The following SMIM35 variants were observed in gnomAD, a reference collection of about 807,000 sequenced individuals.
SMIM35 encodes the protein TMPRSS4 antisense RNA 1 (non-protein coding).
chr11:118,038,772 A>G (rs546376430), intron 1 of SMIM35, among the ~76,000 whole-genome samples: 222 of 152,230 alleles, frequency 1.5e-3, no homozygotes, highest in Non-Finnish European at 2.6e-3. Flanking sequence ...ACATTTAAGC[A>G]AGACCTGAAA....
intron 1 of SMIM35, among the ~76,000 whole-genome samples, chr11:118,024,613 C>A (rs1319607968): frequency 6.6e-6 from 1 of 152,116 alleles, no homozygotes; most frequent in Non-Finnish European, 1.5e-5. Context: ...GCTGGGATTA[C>A]AGCTGCCCGC....
At chr11:118,048,962 A>AAAAAAAAAAAAAAAC (rs1944160684) in intron 1 of SMIM35, among the ~76,000 whole-genome samples, 1 of 150,582 alleles carries the variant, frequency 6.6e-6, no homozygotes, top group East Asian at 2.0e-4. Context: ...AAAAAAAAAA[A>AAAAAAAAAAAAAAAC]AAGCAAGTGA....
At chr11:118,045,759 T>C (rs142010709) in intron 1 of SMIM35, among the ~76,000 whole-genome samples, 66 of 152,316 alleles carry the variant, frequency 4.3e-4, no homozygotes, top group African/African-American at 1.5e-3. Flanking sequence ...CAGCTCTGAA[T>C]CTTTCAACCC....
intron 1 of SMIM35, among the ~76,000 whole-genome samples, chr11:118,040,864 T>C (rs1007023034): frequency 1.3e-5 from 2 of 152,126 alleles, no homozygotes; most frequent in African/African-American, 4.8e-5. Context: ...GACATGACTG[T>C]AGTTGATAAA....
intron 1 of SMIM35, among the ~76,000 whole-genome samples, chr11:118,077,750 G>A (rs776280925): frequency 6.6e-5 from 10 of 151,682 alleles, no homozygotes; most frequent in African/African-American, 2.4e-4. Flanking sequence ...AGTGGCTCAC[G>A]CCTGTAGTCC....
intron 1 of SMIM35, among the ~76,000 whole-genome samples, chr11:118,034,367 T>A (rs918466008): frequency 6.6e-5 from 10 of 152,218 alleles, no homozygotes; most frequent in East Asian, 1.9e-4. Flanking sequence ...ATTACTTTTT[T>A]AAAAAATTGT....
chr11:118,008,761 G>A (rs1208445926), intron 4 of SMIM35, among the ~76,000 whole-genome samples: 2 of 152,220 alleles, frequency 1.3e-5, no homozygotes, highest in Non-Finnish European at 2.9e-5. Flanking sequence ...GAAGTTCCTG[G>A]CTATGGCCAG....
At chr11:118,065,629 CCAAT>C (rs1364429855) in intron 1 of SMIM35, among the ~76,000 whole-genome samples, 2 of 152,168 alleles carry the variant, frequency 1.3e-5, no homozygotes, top group African/African-American at 4.8e-5. Flanking sequence ...CTCTCCACAA[CCAAT>C]CAGACTGATT....
At chr11:118,069,032 C>T (rs963536495) in intron 1 of SMIM35, among the ~76,000 whole-genome samples, 3 of 152,234 alleles carry the variant, frequency 2.0e-5, no homozygotes, top group Non-Finnish European at 2.9e-5. Flanking sequence ...TGACTCATCA[C>T]CCTAATGGAA....
chr11:118,041,593 A>T (rs1172664171), intron 1 of SMIM35, among the ~76,000 whole-genome samples: 1 of 152,234 alleles, frequency 6.6e-6, no homozygotes, highest in Non-Finnish European at 1.5e-5. Flanking sequence ...CAAAAGGGAA[A>T]TTTAAAAAAC....
At chr11:118,057,678 G>A (rs1944335483) in intron 1 of SMIM35, among the ~76,000 whole-genome samples, 1 of 152,246 alleles carries the variant, frequency 6.6e-6, no homozygotes, top group Admixed American at 6.5e-5. Context: ...ATTTGCAAGT[G>A]AGTGGTATGT....
intron 1 of SMIM35, among the ~76,000 whole-genome samples, chr11:118,077,696 A>T (rs1028302732): frequency 1.3e-5 from 2 of 152,160 alleles, no homozygotes; most frequent in Admixed American, 6.5e-5. Flanking sequence ...CTCCCTGGGG[A>T]AACTGATTCC....
intron 1 of SMIM35, among the ~76,000 whole-genome samples, chr11:118,040,307 AG>A (rs1287491996): frequency 7.9e-5 from 12 of 152,368 alleles, no homozygotes; most frequent in South Asian, 2.1e-4. Context: ...GACACTTAAT[AG>A]TAAAAAATGC....
chr11:118,018,093 G>A (rs1359696898), intron 1 of SMIM35, among the ~76,000 whole-genome samples: 1 of 152,138 alleles, frequency 6.6e-6, no homozygotes, highest in Non-Finnish European at 1.5e-5. Context: ...TAGGCAGAGG[G>A]AGCAGTAGGT....
Position 118,048,499 on chromosome 11 carries a change from C to T in SMIM35, c.8-32690G>A, listed in dbSNP as rs138904129. On this transcript the variant is annotated intron_variant, in intron 1 of 4. Transcript: ENST00000689828. ...CTGCACTCCAGCCTGGATGACAGAG[C>T]GAGACTCCATCTCAATAAGAAAGAA... Among the ~76,000 whole-genome samples, 477 of 143,346 alleles carry T rather than the reference C, an allele frequency of 3.3e-3. 1 individual carries two copies. The highest frequency in any genetic ancestry group is 0.011 in the African/African-American group (412 of 38,176). The allele number at this position is 143,346 out of a possible 152,430, so 94.0% of individuals were successfully genotyped here.
intron 1 of SMIM35, among the ~76,000 whole-genome samples, chr11:118,066,900 G>T (rs1253692860): frequency 6.6e-6 from 1 of 150,972 alleles, no homozygotes; most frequent in Non-Finnish European, 1.5e-5. Flanking sequence ...AGTAAAATGA[G>T]ATTGTTACAA....
rs1178713860 is a variant in SMIM35, at chr11:118,013,769, G to T, written c.*12C>A. On this transcript the variant is annotated 3_prime_UTR_variant, in exon 4 of 5. Coordinates refer to ENST00000689828, the MANE Select transcript of SMIM35 (RefSeq NM_001394165.1). ...TCACCTCCCCAGGGCTTCACAAGTT[G>T]CTGTCTCTGCATCAGACTAGCCCGT... 5 of 399,020 alleles carry T rather than the reference G, an allele frequency of 1.3e-5. No individual in the cohort carries two copies. Among genetic ancestry groups the T allele is most frequent in the Non-Finnish European group, 2.2e-5 (5 of 226,150 alleles). The allele number at this position is 399,020 out of a possible 1,614,324, so 24.7% of individuals were successfully genotyped here.
chr11:118,066,233 A>T lies in SMIM35; in HGVS notation c.7+20518T>A, dbSNP rs537206596. Among the ~76,000 whole-genome samples the T allele has an allele frequency of 4.1e-3, 628 of 152,108 alleles. 5 individuals carry two copies. Among genetic ancestry groups the T allele is most frequent in the Non-Finnish European group, 7.3e-3 (494 of 67,998 alleles). On this transcript the variant is annotated intron_variant, in intron 1 of 4. Coordinates refer to ENST00000689828, the MANE Select transcript of SMIM35 (RefSeq NM_001394165.1). ...CCCAGACACCTGGAAATACCCCGGG[A>T]TTGGATCTCTTCGCCCTTGTTTTCC...
At chr11:118,038,837 C>T (rs944838205) in intron 1 of SMIM35, among the ~76,000 whole-genome samples, 1 of 152,098 alleles carries the variant, frequency 6.6e-6, no homozygotes, top group Non-Finnish European at 1.5e-5. Flanking sequence ...AAGCAAACAA[C>T]ATGTGCAAAG....
Sources: gnomAD v4.1 joint callset for allele counts (sites outside exome capture counted in the v4.1 genomes callset) on GRCh38, gnomAD v4.1.1 for gene constraint, MANE v1.5 for transcripts, NCBI Gene and HGNC (gene_info 2026-07-23, HGNC 2026-07-21) for gene names.